The following TRA2A variants were observed in gnomAD, a reference collection of about 807,000 sequenced individuals.
The protein encoded by TRA2A is transformer 2 alpha homolog.
TRA2A carries 31 observed loss-of-function variants against 45.7 expected under a neutral mutation model. The ratio of observed to expected loss-of-function variants is 0.68; its 90% CI spans 0.51 to 0.92. The LOEUF (loss-of-function observed/expected upper bound fraction) is 0.92, where lower values mean the gene tolerates loss of function less well. Among genes scored for constraint, TRA2A ranks in the 40% least tolerant of loss-of-function variants. The pLI, the probability that TRA2A is intolerant of heterozygous loss-of-function variation, is 0.00. For synonymous variants in TRA2A, 132 were observed against 126.2 expected (o/e 1.05, Z -0.31); for missense variants, 304 against 367.5 (o/e 0.83, Z 1.41).
At chr7:23,522,353 C>G (rs1307367870) in intron 1 of TRA2A, 1 of 1,254,790 alleles carries the variant, frequency 8.0e-7, no homozygotes, top group African/African-American at 1.6e-5. Flanking sequence ...ATCTTTAATA[C>G]TTTTCATTAG....
chr7:23,513,411 A>T (rs1463262059), intron 3 of TRA2A, among the ~76,000 whole-genome samples: 1 of 152,160 alleles, frequency 6.6e-6, no homozygotes, highest in African/African-American at 2.4e-5. Flanking sequence ...TGAGGTTAGG[A>T]GTTCGAGACC....
rs368694063 is a variant in TRA2A, at chr7:23,505,584, G to GAAAAAAAAAAAA, written c.839-16_839-15insTTTTTTTTTTTT. The GAAAAAAAAAAAA allele has an allele frequency of 3.0e-5, 5 of 168,252 alleles. No homozygotes were observed. The highest frequency in any genetic ancestry group is 2.7e-4 in the South Asian group (2 of 7,308). The allele number at this position is 168,252 out of a possible 1,614,324, so 10.4% of individuals were successfully genotyped here. ...TCAATAGCGTCCTAAAAGAGAAAAAGCAAAAAAAAAAAAAAAAAAAAAAAG... is the reference window on the plus strand; with the variant it reads ...TCAATAGCGTCCTAAAAGAGAAAAAGAAAAAAAAAAAACAAAAAAAAAAAAAAAAAAAAAAAG... On this transcript the variant is annotated splice_polypyrimidine_tract_variant and intron_variant, in intron 7 of 7. Coordinates refer to ENST00000297071, the MANE Select transcript of TRA2A (RefSeq NM_013293.5).
intron 4 of TRA2A, among the ~76,000 whole-genome samples, chr7:23,510,220 G>C (rs147573970): frequency 1.3e-5 from 2 of 152,120 alleles, no homozygotes; most frequent in African/African-American, 2.4e-5. Context: ...GACAAGCCTC[G>C]TCACCCCGCT....
intron 3 of TRA2A, among the ~76,000 whole-genome samples, chr7:23,515,223 CTTTTTTT>C (rs767953060): frequency 8.1e-4 from 78 of 96,788 alleles, no homozygotes; most frequent in Admixed American, 1.2e-3. Flanking sequence ...GAACATATTT[CTTTTTTT>C]TTTTTTTTTT....
At chr7:23,519,545 G>A (rs896810217) in intron 2 of TRA2A, among the ~76,000 whole-genome samples, 3 of 151,922 alleles carry the variant, frequency 2.0e-5, no homozygotes, top group African/African-American at 7.3e-5. Flanking sequence ...AAGAGAGCAA[G>A]ACTCCATCTC....
chr7:23,506,958 G>A (rs1338896846), intron 5 of TRA2A, among the ~76,000 whole-genome samples: 1 of 151,996 alleles, frequency 6.6e-6, no homozygotes, highest in East Asian at 1.9e-4. Context: ...TGTATTTTTA[G>A]TAGAGACGGG....
Position 23,505,585 on chromosome 7 carries a change from C to CAAAAAAAAAAAA in TRA2A, c.839-28_839-17dup, listed in dbSNP as rs5882904. 22 of 244,996 alleles carry CAAAAAAAAAAAA rather than the reference C, an allele frequency of 9.0e-5. No individual in the cohort carries two copies. Among genetic ancestry groups the CAAAAAAAAAAAA allele is most frequent in the South Asian group, 6.1e-4 (6 of 9,820 alleles). The allele number at this position is 244,996 out of a possible 1,614,324, so 15.2% of individuals were successfully genotyped here. ...CAATAGCGTCCTAAAAGAGAAAAAG[C>CAAAAAAAAAAAA]AAAAAAAAAAAAAAAAAAAAAAAGT... On this transcript the variant is annotated splice_polypyrimidine_tract_variant and intron_variant, in intron 7 of 7. Transcript: ENST00000297071.
intron 4 of TRA2A, among the ~76,000 whole-genome samples, chr7:23,510,041 CAAAG>C (rs374419926): frequency 1.1e-3 from 163 of 152,018 alleles, no homozygotes; most frequent in African/African-American, 3.7e-3. Flanking sequence ...TCCAAACAAA[CAAAG>C]AAACAACAAA....
chr7:23,506,097 A>G, intron 6 of TRA2A, 41 bp downstream of exon 6: 1 of 1,538,044 alleles, frequency 6.5e-7, no homozygotes. Flanking sequence ...TAACACTACT[A>G]TCATCTAATT....
chr7:23,530,515 A>G (rs1790530286), intron 1 of TRA2A, among the ~76,000 whole-genome samples: 2 of 152,192 alleles, frequency 1.3e-5, no homozygotes, highest in African/African-American at 2.4e-5. Flanking sequence ...CCTAGTGACT[A>G]GAATAAACAT....
intron 1 of TRA2A, 100 bp downstream of exon 1, chr7:23,531,689 C>A: frequency 2.2e-6 from 3 of 1,343,358 alleles, no homozygotes; most frequent in Non-Finnish European, 3.2e-6. Flanking sequence ...AGAGGTTGCT[C>A]CTCGCGGGAC....
intron 4 of TRA2A, among the ~76,000 whole-genome samples, chr7:23,512,065 T>G (rs1789648844): frequency 1.3e-5 from 2 of 152,230 alleles, no homozygotes; most frequent in African/African-American, 2.4e-5. Flanking sequence ...TTTCCATTAA[T>G]TTAAACACAT....
chr7:23,505,809 G>A lies in TRA2A; in HGVS notation c.775C>T (p.Arg259Ter), dbSNP rs1241546682. Residue 259 changes from arginine (R) to a stop codon, truncating the protein, a stop_gained, in exon 7 of 8, where the codon CGA becomes TGA. Transcript: ENST00000297071. LOFTEE classifies it high-confidence loss of function. The stretch of plus-strand genomic sequence containing the variant: ...CGACTATAATAAGGAGAAGGTGATC[G>A]TCTTCTGTAAGAAATGAAAGATTAC... ...YEDYDYRYRRRSPSPYYSRYR... is the reference protein window; with the variant it reads ...YEDYDYRYRR 10 of 1,532,652 alleles carry A rather than the reference G, an allele frequency of 6.5e-6. No individual in the cohort carries two copies. Among genetic ancestry groups the A allele is most frequent in the African/African-American group, 1.4e-5 (1 of 71,010 alleles). 94.9% of individuals were successfully genotyped at this position (1,532,652 alleles called of 1,614,324 possible).
At position 23,531,027 on chromosome 7, in the gene TRA2A, G is replaced by C. The variant is rs115720706; in HGVS notation, c.36+762C>G. 3.3e-3 allele frequency among the ~76,000 whole-genome samples: 495 copies of C among 152,130 alleles called. 2 individuals are homozygous for C. The highest frequency in any genetic ancestry group is 0.011 in the African/African-American group (473 of 41,522). ...AGAAGAGAAAAAACCCAACATCGAG[G>C]AATTAGAAAAATAAGGCGTGACAGC... On this transcript the variant is annotated intron_variant, in intron 1 of 7. Transcript: ENST00000297071.
chr7:23,507,311 C>T (rs527992942), intron 5 of TRA2A, 109 bp downstream of exon 5: 19 of 845,832 alleles, frequency 2.2e-5, no homozygotes, highest in East Asian at 1.5e-4. Context: ...CCATGTTGCC[C>T]CTTGCCAGAA....
At chr7:23,525,251 A>T (rs1196052363) in intron 1 of TRA2A, among the ~76,000 whole-genome samples, 1 of 152,218 alleles carries the variant, frequency 6.6e-6, no homozygotes, top group Non-Finnish European at 1.5e-5. Context: ...AATAATTTCA[A>T]CTTTTTCTCA....
intron 2 of TRA2A, among the ~76,000 whole-genome samples, chr7:23,517,911 C>CAACAAACA (rs377361159): frequency 1.3e-5 from 2 of 150,694 alleles, no homozygotes; most frequent in South Asian, 4.3e-4. Flanking sequence ...AACTCTGTCT[C>CAACAAACA]AACAAACAAA....
Position 23,505,675 on chromosome 7 carries a change from C to G in TRA2A, c.838+71G>C, listed in dbSNP as rs1789298222. ...ATTAACTGCCACCTTCCACCTTATA[C>G]TCTAATATTCTAAAGTAAGCCATTA... On this transcript the variant is annotated intron_variant, in intron 7 of 7. Transcript: ENST00000297071. The G allele has an allele frequency of 5.2e-6, 5 of 955,482 alleles. No individual in the cohort carries two copies. The East Asian group carries it at 1.4e-4, about 26-fold the overall frequency. 59.2% of individuals were successfully genotyped at this position (955,482 alleles called of 1,614,324 possible).
intron 1 of TRA2A, chr7:23,522,092 T>C (rs1790160445): frequency 7.5e-7 from 1 of 1,327,410 alleles, no homozygotes; most frequent in African/African-American, 1.5e-5. Context: ...TACAACTTGA[T>C]CATACAGACA....
Sources: gnomAD v4.1 joint callset for allele counts (sites outside exome capture counted in the v4.1 genomes callset) on GRCh38, gnomAD v4.1.1 for gene constraint, MANE v1.5 for transcripts, NCBI Gene and HGNC (gene_info 2026-07-23, HGNC 2026-07-21) for gene names.